The following FOXJ1 variants were observed in gnomAD, a reference collection of about 807,000 sequenced individuals.
FOXJ1 encodes the protein forkhead box protein J1.
A neutral mutation model predicts 29.3 loss-of-function variants in FOXJ1; 8 were observed. The ratio of observed to expected loss-of-function variants is 0.27; its 90% CI spans 0.16 to 0.49. FOXJ1 has a LOEUF of 0.49. Ranked by LOEUF, FOXJ1 falls within the 20% of genes least tolerant of loss-of-function variation. The pLI is 0.98. For synonymous variants in FOXJ1, 280 were observed against 278.7 expected (o/e 1.00, Z -0.05); for missense variants, 539 against 595.5 (o/e 0.91, Z 0.99).
In FOXJ1 at chr17:76,137,724, G is replaced by C; in HGVS notation, c.895C>G (p.Gln299Glu). The C allele has an allele frequency of 1.2e-6, 2 of 1,611,976 alleles. No homozygotes were observed. Residue 299 changes from glutamine to glutamate, a missense_variant, in exon 3 of 3, where the codon CAG becomes GAG. Physicochemically the swap from Gln to Glu is conservative, Grantham distance 29 (BLOSUM62 2). Transcript: ENST00000322957. This position sits in a 1 kb window ranked among gnomAD's most constrained non-coding sequence, Gnocchi z 9.5. ...PSTLLPTPEE[Q>E]GELEPLKGNF... ...CCTTTGAGGGGTTCCAGCTCACCCT[G>C]CTCCTCCGGGGTGGGCAGCAGGGTG...
In FOXJ1 at chr17:76,139,163, G is replaced by A. The variant is rs2068499322; in HGVS notation, c.498+735C>T. Among the ~76,000 whole-genome samples the A allele has an allele frequency of 6.6e-6, 1 of 152,238 alleles. No homozygotes were observed. The stretch of plus-strand genomic sequence containing the variant: ...GTGGCCTGGGCCCCTTGGCTGCTCA[G>A]TGCCTGGTTCCAGAGACGTGGAACA... On this transcript the variant is annotated intron_variant, in intron 2 of 2. Coordinates refer to ENST00000322957, the MANE Select transcript of FOXJ1 (RefSeq NM_001454.4). This position sits in a 1 kb window ranked among gnomAD's most constrained non-coding sequence, Gnocchi z 6.6.
Position 76,139,888 on chromosome 17 carries a change from C to T in FOXJ1, c.498+10G>A. 1 of 1,578,346 alleles carries T rather than the reference C, an allele frequency of 6.3e-7. No individual in the cohort carries two copies. Among genetic ancestry groups the T allele is most frequent in the Non-Finnish European group, 8.6e-7 (1 of 1,163,576 alleles). On this transcript the variant is annotated intron_variant, in intron 2 of 2. Coordinates refer to ENST00000322957, the MANE Select transcript of FOXJ1 (RefSeq NM_001454.4). The surrounding 1 kb of genome is among the most constrained non-coding windows in gnomAD (Gnocchi z 6.6). ...GGGGAGGGAGCGGCCGCCGCCCGTG[C>T]CTCCTCTACCTGCCAGGTGGGATCT...
In FOXJ1 at chr17:76,136,973, G is replaced by C. The variant is rs77871716; in HGVS notation, c.*380C>G. 7.0e-3 allele frequency: 1,366 copies of C among 195,942 alleles called. 17 individuals carry two copies. Among genetic ancestry groups the C allele is most frequent in the African/African-American group, 0.029 (1,273 of 43,254 alleles). The allele number at this position is 195,942 out of a possible 1,614,324, so 12.1% of individuals were successfully genotyped here. The stretch of plus-strand genomic sequence containing the variant: ...TCTGGATAGAGACCTGGGGAAGCAG[G>C]GGGGAAGCGGAGGTGCTCTGGGAGG... On this transcript the variant is annotated 3_prime_UTR_variant, in exon 3 of 3. Coordinates refer to ENST00000322957, the MANE Select transcript of FOXJ1 (RefSeq NM_001454.4). This position sits in a 1 kb window ranked among gnomAD's most constrained non-coding sequence, Gnocchi z 4.9.
chr17:76,138,069 G>A lies in FOXJ1; in HGVS notation c.550C>T (p.Arg184Trp), dbSNP rs761856437. The change falls in exon 3 of 3, where the codon CGG becomes TGG. Residue 184 changes from arginine to tryptophan, a missense_variant. Physicochemically the swap from Arg to Trp is moderately radical, Grantham distance 101. Around this residue, in one of 3 missense-constraint regions of FOXJ1, gnomAD observed 178 missense variants for 254.4 expected, o/e 0.70. Coordinates refer to ENST00000322957, the MANE Select transcript of FOXJ1 (RefSeq NM_001454.4). ...CCCTTGCCTGGTTCGTCCTTCTCCC[G>A]AGGCACTTTGATGAAGCACTTGTTC... ...SLNKCFIKVP[R>W]EKDEPGKGGF... 1.2e-6 allele frequency: 2 copies of A among 1,613,932 alleles called. No individual in the cohort carries two copies. Among genetic ancestry groups the A allele is most frequent in the Non-Finnish European group, 1.7e-6 (2 of 1,180,022 alleles).
In FOXJ1 at chr17:76,137,800, C is replaced by G. The variant is rs1229511030; in HGVS notation, c.819G>C (p.Lys273Asn). The G allele has an allele frequency of 6.2e-7, 1 of 1,606,034 alleles. No homozygotes were observed. The highest frequency in any genetic ancestry group is 2.2e-5 in the East Asian group (1 of 44,652). ...WGAGEGRLGH[K>N]RKQPLPKRVA... is the part of the protein sequence containing the mutation. ...CCCGCTTGGGCAGCGGCTGTTTGCG[C>G]TTATGCCCCAGCCTGCCCTCGCCTG... The change falls in exon 3 of 3, where the codon AAG (lysine) becomes AAC (asparagine). Residue 273 changes from lysine to asparagine, a missense_variant. Lys to Asn is a moderately conservative substitution (Grantham distance 94). Transcript: ENST00000322957. The surrounding 1 kb of genome is among the most constrained non-coding windows in gnomAD (Gnocchi z 9.5).
Position 76,139,370 on chromosome 17 carries a change from C to T in FOXJ1, c.498+528G>A, listed in dbSNP as rs1402462645. Among the ~76,000 whole-genome samples, 2 of 152,314 alleles carry T rather than the reference C, an allele frequency of 1.3e-5. No homozygotes were observed. Among genetic ancestry groups the T allele is most frequent in the South Asian group, 4.1e-4 (2 of 4,826 alleles). ...CCCTCCACCCTCCATTGGGACACAC[C>T]TGGCCCTCACATGCTAAGGCACCCC... On this transcript the variant is annotated intron_variant, in intron 2 of 2. Transcript: ENST00000322957. The surrounding 1 kb of genome is among the most constrained non-coding windows in gnomAD (Gnocchi z 6.6).
chr17:76,138,580 G>C (rs2068495269), intron 2 of FOXJ1, among the ~76,000 whole-genome samples: 1 of 152,082 alleles, frequency 6.6e-6, no homozygotes, highest in Non-Finnish European at 1.5e-5. Context: ...AAGGGGGAGA[G>C]AGAGAGAGAG....
chr17:76,137,596 G>A lies in FOXJ1; in HGVS notation c.1023C>T (p.His341=), dbSNP rs372348253. 8.2e-5 allele frequency: 131 copies of A among 1,602,266 alleles called. No individual in the cohort carries two copies. The highest frequency in any genetic ancestry group is 1.0e-4 in the Non-Finnish European group (120 of 1,173,242). ...CGTGGATGGTGAGGTCCACGTCCAC[G>A]TGTGAGGCGGGGCTCAGAGGCGGGC... ...ELSPPLSPAS[H]VDVDLTIHGR... The change falls in exon 3 of 3, where the codon CAC becomes CAT. Residue 341 remains histidine, a synonymous_variant. Transcript: ENST00000322957. This position sits in a 1 kb window ranked among gnomAD's most constrained non-coding sequence, Gnocchi z 9.5.
rs1468607432 is a variant in FOXJ1 at position 76,140,885 on chromosome 17, A to G, written c.-170+229T>C. On this transcript the variant is annotated intron_variant, in intron 1 of 2. Coordinates refer to ENST00000322957, the MANE Select transcript of FOXJ1 (RefSeq NM_001454.4). This position sits in a 1 kb window ranked among gnomAD's most constrained non-coding sequence, Gnocchi z 8.0. ...GCGAGAAGTTTGGGAGGGCGGTACG[A>G]CGGGGCGGGGGCGGTGGAGGTCCTC... Among the ~76,000 whole-genome samples, 1 of 151,878 alleles carries G rather than the reference A, an allele frequency of 6.6e-6. No individual in the cohort carries two copies. The highest frequency in any genetic ancestry group is 1.5e-5 in the Non-Finnish European group (1 of 67,956).
chr17:76,137,157 C>A lies in FOXJ1; in HGVS notation c.*196G>T. 2.0e-6 allele frequency: 1 copy of A among 491,866 alleles called. No individual in the cohort carries two copies. Among genetic ancestry groups the A allele is most frequent in the Non-Finnish European group, 3.5e-6 (1 of 284,744 alleles). 30.5% of individuals were successfully genotyped at this position (491,866 alleles called of 1,614,324 possible). A position where few individuals can be genotyped will look rare whatever the true frequency, so the allele number is the denominator to read the frequency against. ...GGGGAGAGGAGGCAGCGATTCTGGTCCTGGGCCCTCGTTTTCAGCCTCCTG... is the reference window on the plus strand; with the variant it reads ...GGGGAGAGGAGGCAGCGATTCTGGTACTGGGCCCTCGTTTTCAGCCTCCTG... On this transcript the variant is annotated 3_prime_UTR_variant, in exon 3 of 3. Coordinates refer to ENST00000322957, the MANE Select transcript of FOXJ1 (RefSeq NM_001454.4). This position sits in a 1 kb window ranked among gnomAD's most constrained non-coding sequence, Gnocchi z 9.5.
Position 76,138,136 on chromosome 17 carries a change from G to A in FOXJ1, c.499-16C>T. On this transcript the variant is annotated splice_polypyrimidine_tract_variant and intron_variant, in intron 2 of 2. Coordinates refer to ENST00000322957, the MANE Select transcript of FOXJ1 (RefSeq NM_001454.4). ...GGATTGAATTCTGGGTGCAGGGAGA[G>A]AGCAAGAGAGAGAGGAACCGCTAGG... 1 of 1,612,948 alleles carries A rather than the reference G, an allele frequency of 6.2e-7. No individual in the cohort carries two copies. Among genetic ancestry groups the A allele is most frequent in the African/African-American group, 1.3e-5 (1 of 75,044 alleles).
At position 76,137,834 on chromosome 17, in the gene FOXJ1, C is replaced by A; in HGVS notation, c.785G>T (p.Gly262Val). 1.3e-6 allele frequency: 2 copies of A among 1,593,738 alleles called. No homozygotes were observed. The highest frequency in any genetic ancestry group is 2.3e-5 in the East Asian group (1 of 44,014). ...REFEEATGEA[G>V]WGAGEGRLGH... ...CAGCCTGCCCTCGCCTGCACCCCAG[C>A]CCGCCTCCCCGGTGGCCTCCTCGAA... The change falls in exon 3 of 3, where the codon GGC becomes GTC. Residue 262 changes from glycine (G) to valine (V), a missense_variant. Coordinates refer to ENST00000322957, the MANE Select transcript of FOXJ1 (RefSeq NM_001454.4). The surrounding 1 kb of genome is among the most constrained non-coding windows in gnomAD (Gnocchi z 9.5).
Position 76,137,457 on chromosome 17 carries a change from C to A in FOXJ1, c.1162G>T (p.Glu388Ter). Residue 388 changes from glutamate to a stop codon, truncating the protein, a stop_gained, in exon 3 of 3, where the codon GAG becomes TAG. Coordinates refer to ENST00000322957, the MANE Select transcript of FOXJ1 (RefSeq NM_001454.4). LOFTEE classifies it high-confidence loss of function. The surrounding 1 kb of genome is among the most constrained non-coding windows in gnomAD (Gnocchi z 9.5). Reference protein sequence around the residue: ...ATSFLQHPWDESGSGCLPPEP... With the variant: ...ATSFLQHPWD ...GGGGGCAGGCAGCCACTGCCGCTCT[C>A]GTCCCAGGGGTGCTGCAGGAAGGAT... 1 of 1,559,924 alleles carries A rather than the reference C, an allele frequency of 6.4e-7. No homozygotes were observed.
chr17:76,138,153 A>G, intron 2 of FOXJ1, 33 bp from the exon 3 acceptor site: 4 of 1,610,640 alleles, frequency 2.5e-6, no homozygotes, highest in Non-Finnish European at 3.4e-6. Flanking sequence ...AGAGAGAGGA[A>G]CCGCTAGGTC....
intron 2 of FOXJ1, among the ~76,000 whole-genome samples, chr17:76,138,878 T>C (rs1019231158): frequency 6.6e-6 from 1 of 152,226 alleles, no homozygotes; most frequent in Admixed American, 6.5e-5. Flanking sequence ...ACTGCGGTCC[T>C]GTGGCCTGCC....
Position 76,140,073 on chromosome 17 carries a change from G to A in FOXJ1, c.323C>T (p.Pro108Leu). The change falls in exon 2 of 3, where the codon CCC becomes CTC. Residue 108 changes from proline (P) to leucine (L), a missense_variant. Physicochemically the swap from Pro to Leu is moderately conservative, Grantham distance 98. This residue lies in a region of FOXJ1 where 178 missense variants were observed against 254.4 expected (regional missense o/e 0.70). Coordinates refer to ENST00000322957, the MANE Select transcript of FOXJ1 (RefSeq NM_001454.4). The surrounding 1 kb of genome is among the most constrained non-coding windows in gnomAD (Gnocchi z 8.0). ...RSAPPGLQAP[P>L]PDDVDYATNP... is the part of the protein sequence containing the mutation. ...GGTGGCGTAGTCCACGTCGTCGGGG[G>A]GTGGGGCCTGCAGCCCCGGGGGCGC... 6.2e-7 allele frequency: 1 copy of A among 1,606,766 alleles called. No individual in the cohort carries two copies.
At position 76,139,873 on chromosome 17, in the gene FOXJ1, C is replaced by T. The variant is rs2144764867; in HGVS notation, c.498+25G>A. On this transcript the variant is annotated intron_variant, in intron 2 of 2. Coordinates refer to ENST00000322957, the MANE Select transcript of FOXJ1 (RefSeq NM_001454.4). The surrounding 1 kb of genome is among the most constrained non-coding windows in gnomAD (Gnocchi z 6.6). The stretch of plus-strand genomic sequence containing the variant: ...GAGCGAGGAGGGAATGGGGAGGGAG[C>T]GGCCGCCGCCCGTGCCTCCTCTACC... 2 of 1,561,594 alleles carry T rather than the reference C, an allele frequency of 1.3e-6. No homozygotes were observed. The highest frequency in any genetic ancestry group is 1.7e-6 in the Non-Finnish European group (2 of 1,153,792).
In FOXJ1 at chr17:76,136,343, T is replaced by A. The variant is rs983035475; in HGVS notation, c.*1010A>T. On this transcript the variant is annotated 3_prime_UTR_variant, in exon 3 of 3. Coordinates refer to ENST00000322957, the MANE Select transcript of FOXJ1 (RefSeq NM_001454.4). This position sits in a 1 kb window ranked among gnomAD's most constrained non-coding sequence, Gnocchi z 4.9. ...TTGAGCAGGTCCATATTTAGATTTT[T>A]AAAAATTTTATTTTTAAAAACTTTT... 3.9e-5 allele frequency: 6 copies of A among 152,160 alleles called. No individual in the cohort carries two copies. The highest frequency in any genetic ancestry group is 8.8e-5 in the Non-Finnish European group (6 of 68,016). 9.4% of individuals were successfully genotyped at this position (152,160 alleles called of 1,614,324 possible).
In FOXJ1 at chr17:76,139,125, G is replaced by C. The variant is rs537653214; in HGVS notation, c.498+773C>G. On this transcript the variant is annotated intron_variant, in intron 2 of 2. Coordinates refer to ENST00000322957, the MANE Select transcript of FOXJ1 (RefSeq NM_001454.4). The surrounding 1 kb of genome is among the most constrained non-coding windows in gnomAD (Gnocchi z 6.6). ...TGGATAATGCCCGGCAGCAAGGCTG[G>C]GATGTTTACATGGTGGCCTGGGCCC... Among the ~76,000 whole-genome samples, 1 of 152,166 alleles carries C rather than the reference G, an allele frequency of 6.6e-6. No individual in the cohort carries two copies. Among genetic ancestry groups the C allele is most frequent in the Non-Finnish European group, 1.5e-5 (1 of 68,032 alleles).
Sources: gnomAD v4.1 joint callset for allele counts (sites outside exome capture counted in the v4.1 genomes callset) on GRCh38, gnomAD v4.1.1 for gene constraint, gnomAD v4.1.1 regional missense constraint, Gnocchi (gnomAD v3.1) non-coding constraint, MANE v1.5 for transcripts, NCBI Gene and HGNC (gene_info 2026-07-23, HGNC 2026-07-21) for gene names.